The following ESR1 variants were observed in gnomAD, a reference collection of about 807,000 sequenced individuals.
ESR1 encodes the protein estrogen receptor.
A neutral mutation model predicts 52.7 loss-of-function variants in ESR1; 12 were observed. The ratio of observed to expected loss-of-function variants is 0.23; its 90% CI spans 0.15 to 0.37. ESR1 has a LOEUF of 0.37. Among genes scored for constraint, ESR1 ranks in the 10% least tolerant of loss-of-function variants. The pLI is 1.00. For synonymous variants in ESR1, 305 were observed against 316.8 expected (o/e 0.96, Z 0.39); for missense variants, 584 against 779.7 (o/e 0.75, Z 2.99).
At chr6:152,002,195 T>A (rs1029787103) in intron 4 of ESR1, among the ~76,000 whole-genome samples, 11 of 151,142 alleles carry the variant, frequency 7.3e-5, no homozygotes, top group African/African-American at 2.7e-4. Context: ...AGTGTGTGTG[T>A]GTGTGTGTGT....
At chr6:152,003,338 TTATGTGTGTGTG>T in intron 4 of ESR1, among the ~76,000 whole-genome samples, 1 of 128,692 alleles carries the variant, frequency 7.8e-6, no homozygotes, top group East Asian at 2.5e-4. Context: ...AAAAGGGTAA[TTATGTGTGTGTG>T]TGTGTGTGTG....
In ESR1 at chr6:152,081,541, C is replaced by T. The variant is rs11967707; in HGVS notation, c.1370-12844C>T. Among the ~76,000 whole-genome samples the T allele has an allele frequency of 3.0e-3, 457 of 151,724 alleles. 4 individuals carry two copies. Among genetic ancestry groups the T allele is most frequent in the African/African-American group, 0.011 (444 of 41,336 alleles). ...GAAAGCAGGAAAGATCTAAAATCGA[C>T]ACCCTAACATCACAATTGAAAGAAC... On this transcript the variant is annotated intron_variant, in intron 6 of 7. Transcript: ENST00000206249.
chr6:151,697,661 G>T (rs993095085), intron 1 of ESR1, among the ~76,000 whole-genome samples: 13 of 152,078 alleles, frequency 8.5e-5, no homozygotes, highest in African/African-American at 2.7e-4. Context: ...CTTTATGTTG[G>T]GTACTGAATA....
intron 3 of ESR1, among the ~76,000 whole-genome samples, chr6:151,907,656 C>T (rs747656864): frequency 6.6e-6 from 1 of 151,970 alleles, no homozygotes; most frequent in Non-Finnish European, 1.5e-5. Context: ...AATTATTTCC[C>T]GAATTGTATG....
chr6:151,673,320 C>A (rs1440671020), intron 1 of ESR1, among the ~76,000 whole-genome samples: 2 of 152,006 alleles, frequency 1.3e-5, no homozygotes, highest in Non-Finnish European at 2.9e-5. Context: ...TAGTTTTTGC[C>A]TTATATATTT....
chr6:152,016,344 A>T (rs748626912), intron 5 of ESR1, among the ~76,000 whole-genome samples: 4 of 152,124 alleles, frequency 2.6e-5, no homozygotes, highest in Non-Finnish European at 5.9e-5. Context: ...ATACATATAC[A>T]TTTATATTTA....
chr6:151,949,245 C>A (rs956315076), intron 4 of ESR1, among the ~76,000 whole-genome samples: 1 of 152,228 alleles, frequency 6.6e-6, no homozygotes, highest in African/African-American at 2.4e-5. Context: ...AAGTGAGTTT[C>A]ACTTAGCGAA....
intron 6 of ESR1, among the ~76,000 whole-genome samples, chr6:152,121,143 TTAAA>T (rs2051320573): frequency 6.6e-6 from 1 of 152,160 alleles, no homozygotes; most frequent in African/African-American, 2.4e-5. Context: ...AAATGATACA[TTAAA>T]ATGCCACGAG....
intron 1 of ESR1, among the ~76,000 whole-genome samples, chr6:151,658,771 C>A (rs1777539914): frequency 6.6e-6 from 1 of 152,200 alleles, no homozygotes; most frequent in Non-Finnish European, 1.5e-5. Flanking sequence ...TCCCTCCACA[C>A]ACCTGAGGGA....
At chr6:151,850,718 G>C (rs927518450) in intron 2 of ESR1, among the ~76,000 whole-genome samples, 1 of 151,954 alleles carries the variant, frequency 6.6e-6, no homozygotes, top group Non-Finnish European at 1.5e-5. Flanking sequence ...TCCGGCATCC[G>C]TACTTCAAAC....
At chr6:151,815,453 G>A (rs2128175995) in intron 1 of ESR1, among the ~76,000 whole-genome samples, 1 of 152,322 alleles carries the variant, frequency 6.6e-6, no homozygotes, top group African/African-American at 2.4e-5. Context: ...TGAAAGCCCG[G>A]AGAAGCTGTT....
In ESR1 at chr6:152,061,189, T is replaced by C; in HGVS notation, c.1369+65T>C. 3 of 1,505,458 alleles carry C rather than the reference T, an allele frequency of 2.0e-6. No individual in the cohort carries two copies. Among genetic ancestry groups the C allele is most frequent in the Non-Finnish European group, 2.8e-6 (3 of 1,083,038 alleles). 93.3% of individuals were successfully genotyped at this position (1,505,458 alleles called of 1,614,324 possible). On this transcript the variant is annotated intron_variant, in intron 6 of 7. Coordinates refer to ENST00000206249, the MANE Select transcript of ESR1 (RefSeq NM_000125.4). The surrounding 1 kb of genome is among the most constrained non-coding windows in gnomAD (Gnocchi z 4.3). ...TGTTTATTTGTAGTTTTCAACCAGA[T>C]ACGATCTACCCACTCCAAAGGCATA... is the stretch of plus-strand genomic sequence containing the variant.
intron 4 of ESR1, among the ~76,000 whole-genome samples, chr6:151,956,163 T>C (rs1053276819): frequency 1.3e-5 from 2 of 152,232 alleles, no homozygotes; most frequent in Non-Finnish European, 2.9e-5. Context: ...TCTTTACTAT[T>C]GTGAATAGTG....
intron 2 of ESR1, among the ~76,000 whole-genome samples, chr6:151,779,103 T>A (rs888411134): frequency 2.0e-5 from 3 of 152,222 alleles, no homozygotes; most frequent in African/African-American, 7.2e-5. Context: ...TTTAATTAGA[T>A]CCCATTTGTC....
intron 2 of ESR1, among the ~76,000 whole-genome samples, chr6:151,785,549 G>T (rs1185533005): frequency 6.6e-6 from 1 of 152,176 alleles, no homozygotes; most frequent in Non-Finnish European, 1.5e-5. Context: ...GCTTTTCTGG[G>T]AAGGTAAAAT....
rs555714770 is a variant in ESR1 at position 152,114,687 on chromosome 6, C to T, written c.851-10579C>T. ...CGGGCGGATCACGAGGTCAGGAGAT[C>T]GAGACCATCCGGGCTAAAACGGTGA... On this transcript the variant is annotated intron_variant, in intron 6 of 6. Transcript: ENST00000427531. Among the ~76,000 whole-genome samples the T allele has an allele frequency of 1.8e-3, 274 of 151,496 alleles. 1 individual carries two copies. Among genetic ancestry groups the T allele is most frequent in the African/African-American group, 6.2e-3 (256 of 41,300 alleles).
At position 151,936,831 on chromosome 6, in the gene ESR1, A is replaced by G. The variant is rs551209702; in HGVS notation, c.761-7342A>G. Among the ~76,000 whole-genome samples, 5 of 152,324 alleles carry G rather than the reference A, an allele frequency of 3.3e-5. 1 individual carries two copies. In the South Asian group the frequency reaches 1.0e-3, roughly 32 times the overall value. On this transcript the variant is annotated intron_variant, in intron 3 of 7. Transcript: ENST00000206249. ...AGTGGGGAGGAACCTAGGTGTAAGT[A>G]TATGTATAAGGTAGCACATCATAGT...
chr6:152,118,150 G>C (rs1309591010), intron 6 of ESR1: 1 of 152,098 alleles, frequency 6.6e-6, no homozygotes, highest in Admixed American at 6.6e-5. Context: ...AGAGGAATTT[G>C]CTCATAGAAA....
chr6:151,925,775 T>A (rs1470440968), intron 3 of ESR1, among the ~76,000 whole-genome samples: 1 of 152,148 alleles, frequency 6.6e-6, no homozygotes, highest in East Asian at 1.9e-4. Context: ...CTCTCTTAAT[T>A]GTTTTTTTCA....
Sources: gnomAD v4.1 joint callset for allele counts (sites outside exome capture counted in the v4.1 genomes callset) on GRCh38, gnomAD v4.1.1 for gene constraint, Gnocchi (gnomAD v3.1) non-coding constraint, MANE v1.5 for transcripts, NCBI Gene and HGNC (gene_info 2026-07-23, HGNC 2026-07-21) for gene names.